The following RPL18 variants were observed in gnomAD, a reference collection of about 807,000 sequenced individuals.
RPL18 encodes large ribosomal subunit protein eL18.
In RPL18, 4 loss-of-function variants were observed where a neutral mutation model predicts 25.0. The ratio of observed to expected loss-of-function variants is 0.16; its 90% CI spans 0.08 to 0.37. The LOEUF (loss-of-function observed/expected upper bound fraction) is 0.37. Ranked by LOEUF, RPL18 falls within the 10% of genes least tolerant of loss-of-function variation. The pLI is 1.00. For synonymous variants in RPL18, 129 were observed against 101.6 expected, an observed-to-expected ratio of 1.27 and a Z score of -1.62; for missense variants, 179 against 267.9, an observed-to-expected ratio of 0.67 and a Z score of 2.32.
intron 1 of RPL18, chr19:48,618,536 T>C (rs1313447482): frequency 6.4e-6 from 1 of 156,184 alleles, no homozygotes; most frequent in Non-Finnish European, 1.4e-5. Context: ...AACTATTTAA[T>C]AGCTCCACTT....
At chr19:48,617,654 G>A in intron 2 of RPL18, 137 bp downstream of exon 2, 4 of 713,464 alleles carry the variant, frequency 5.6e-6, no homozygotes, top group South Asian at 1.8e-5. Flanking sequence ...ACAAATGCAG[G>A]AGACCCTGGA....
At chr19:48,616,348 G>T in intron 4 of RPL18, 146 bp from the exon 5 acceptor site, 1 of 966,590 alleles carries the variant, frequency 1.0e-6, no homozygotes, top group Non-Finnish European at 1.5e-6. Context: ...GCTGACAGCA[G>T]CAGTTCTCAA....
Position 48,615,849 on chromosome 19 carries a change from A to T in RPL18, c.491+28T>A, listed in dbSNP as rs1368726891. ...GGCCCTGCAGGCTGAGTCTGGGGAG[A>T]GGGCAGGGCTGGGGGCCTGATACTC... On this transcript the variant is annotated intron_variant, in intron 6 of 6. Transcript: ENST00000549920. The T allele has an allele frequency of 6.9e-6, 11 of 1,583,630 alleles. 1 individual carries two copies. Among genetic ancestry groups the T allele is most frequent in the Non-Finnish European group, 9.5e-6 (11 of 1,162,690 alleles).
At position 48,619,149 on chromosome 19, in the gene RPL18, C is replaced by G. The variant is rs1259866176; in HGVS notation, c.-6G>C. On this transcript the variant is annotated 5_prime_UTR_variant, in exon 1 of 7. Transcript: ENST00000549920. ...CCGCAAAGCGAGCTCACCATGATGG[C>G]GCCTCCTGCTCGGCCAGGTCCGGAA... The G allele has an allele frequency of 1.3e-6, 2 of 1,597,168 alleles. No homozygotes were observed. The highest frequency in any genetic ancestry group is 1.7e-6 in the Non-Finnish European group (2 of 1,172,638).
At position 48,615,786 on chromosome 19, in the gene RPL18, C is replaced by T. The variant is rs897989335; in HGVS notation, c.491+91G>A. 65 of 1,169,474 alleles carry T rather than the reference C, an allele frequency of 5.6e-5. No homozygotes were observed. In the African/African-American group the frequency reaches 8.5e-4, roughly 15 times the overall value. 72.4% of individuals were successfully genotyped at this position (1,169,474 alleles called of 1,614,324 possible). A position where few individuals can be genotyped will look rare whatever the true frequency, so the allele number is the denominator to read the frequency against. ...CCAGAAGGCCTGGGGCTGGCTGGTA[C>T]GAGGGATAGGAGAAGCAGCCCAAGT... On this transcript the variant is annotated intron_variant, in intron 6 of 6. Transcript: ENST00000549920.
In RPL18 at chr19:48,619,054, C is replaced by T. The variant is rs751196280; in HGVS notation, c.3+87G>A. On this transcript the variant is annotated intron_variant, in intron 1 of 6. Transcript: ENST00000549920. ...GCTCCCTCCGGGCAGCCGCAGACCC[C>T]CTGCCGCCCTCCAGCGTGCCCCTAG... is the stretch of plus-strand genomic sequence containing the variant. The T allele has an allele frequency of 6.9e-4, 979 of 1,425,828 alleles. 2 individuals are homozygous for T. Among genetic ancestry groups the T allele is most frequent in the Non-Finnish European group, 5.9e-4 (611 of 1,031,280 alleles). 88.3% of individuals were successfully genotyped at this position (1,425,828 alleles called of 1,614,324 possible). A position where few individuals can be genotyped will look rare whatever the true frequency, so the allele number is the denominator to read the frequency against.
At position 48,616,711 on chromosome 19, in the gene RPL18, C is replaced by A; in HGVS notation, c.297+15G>T. On this transcript the variant is annotated intron_variant, in intron 4 of 6. Transcript: ENST00000549920. ...GCAAGGGTCTGATGGGTCTGCCCAG[C>A]CCCCGCCAGCTCACCTTCAGTTTGG... 6.4e-7 allele frequency: 1 copy of A among 1,563,164 alleles called. No individual in the cohort carries two copies. Among genetic ancestry groups the A allele is most frequent in the Non-Finnish European group, 8.8e-7 (1 of 1,138,246 alleles).
intron 6 of RPL18, 80 bp from the exon 7 acceptor site, chr19:48,615,527 G>T: frequency 9.3e-7 from 1 of 1,070,138 alleles, no homozygotes; most frequent in Non-Finnish European, 1.4e-6. Flanking sequence ...CCACAAGCCT[G>T]TCACATTCAG....
intron 2 of RPL18, 168 bp downstream of exon 2, chr19:48,617,623 C>T (rs1974216971): frequency 2.9e-6 from 2 of 690,650 alleles, no homozygotes; most frequent in South Asian, 3.7e-5. Context: ...CCGAGCTGTA[C>T]ACAGCCTAGA....
chr19:48,618,008 C>A (rs1974235174), intron 1 of RPL18, 131 bp from the exon 2 acceptor site: 1 of 662,492 alleles, frequency 1.5e-6, no homozygotes. Flanking sequence ...AGGCCCACCA[C>A]CAGGAGACCT....
chr19:48,617,758 A>C (rs745649641), intron 2 of RPL18, 33 bp downstream of exon 2: 1 of 1,549,572 alleles, frequency 6.5e-7, no homozygotes, highest in Admixed American at 1.7e-5. Context: ...ACCTGGGGTG[A>C]CCCTTCCCAA....
chr19:48,617,872 C>T lies in RPL18; in HGVS notation c.9G>A (p.Val3=), dbSNP rs1400735521. Residue 3 remains valine, a synonymous_variant, in exon 2 of 7, where the codon GTG becomes GTA. Transcript: ENST00000549920. MG[V]DIRHNKDRKV... ...TTCGGTCCTTGTTATGGCGGATGTCCACTCCCTGTGGGGGTGAAGAGGCAA... is the reference window on the plus strand; with the variant it reads ...TTCGGTCCTTGTTATGGCGGATGTCTACTCCCTGTGGGGGTGAAGAGGCAA... 1 of 1,613,790 alleles carries T rather than the reference C, an allele frequency of 6.2e-7. No homozygotes were observed. Among genetic ancestry groups the T allele is most frequent in the South Asian group, 1.1e-5 (1 of 91,070 alleles).
intron 3 of RPL18, 155 bp downstream of exon 3, chr19:48,617,161 G>C (rs757000823): frequency 1.3e-6 from 1 of 767,882 alleles, no homozygotes; most frequent in Admixed American, 1.8e-5. Flanking sequence ...TGGACACTCA[G>C]TTCCAACCAA....
chr19:48,615,798 G>A, intron 6 of RPL18, 79 bp downstream of exon 6: 2 of 1,299,272 alleles, frequency 1.5e-6, no homozygotes, highest in Non-Finnish European at 2.2e-6. Flanking sequence ...AGGGATAGGA[G>A]AAGCAGCCCA....
At position 48,617,379 on chromosome 19, in the gene RPL18, C is replaced by G; in HGVS notation, c.135G>C (p.Gln45His). Residue 45 changes from glutamine to histidine, a missense_variant, in exon 3 of 7, where the codon CAG becomes CAC. Physicochemically the swap from Gln to His is conservative, Grantham distance 24. Coordinates refer to ENST00000549920, the MANE Select transcript of RPL18 (RefSeq NM_000979.4). Reference sequence around the variant, plus strand: ...TCATAAACAACCTCTTCAACACAACCTGGTTGAATGTGGAGTTGGTTCTTC... The same window carrying G: ...TCATAAACAACCTCTTCAACACAACGTGGTTGAATGTGGAGTTGGTTCTTC... The part of the protein sequence containing the change: ...LARRTNSTFN[Q>H]VVLKRLFMSR... 6.2e-7 allele frequency: 1 copy of G among 1,614,176 alleles called. No individual in the cohort carries two copies. Among genetic ancestry groups the G allele is most frequent in the African/African-American group, 1.3e-5 (1 of 75,046 alleles).
rs542387094 is a variant in RPL18, at chr19:48,616,525, G to A, written c.297+201C>T. On this transcript the variant is annotated intron_variant, in intron 4 of 6. Transcript: ENST00000549920. Reference sequence around the variant, plus strand: ...TAACAGTTTACAACTTGCCCCAGAAGAAGCTTGCCCAGGGGACCCCACCAT... The same window carrying A: ...TAACAGTTTACAACTTGCCCCAGAAAAAGCTTGCCCAGGGGACCCCACCAT... The A allele has an allele frequency of 3.0e-4, 210 of 705,056 alleles. 1 individual carries two copies. The highest frequency in any genetic ancestry group is 7.6e-4 in the Admixed American group (38 of 49,988). The allele number at this position is 705,056 out of a possible 1,614,324, so 43.7% of individuals were successfully genotyped here. A position where few individuals can be genotyped will look rare whatever the true frequency, so the allele number is the denominator to read the frequency against.
At chr19:48,618,668 C>A in intron 1 of RPL18, 1 of 199,904 alleles carries the variant, frequency 5.0e-6, no homozygotes, top group South Asian at 7.5e-5. Flanking sequence ...GACACTGGGG[C>A]AAAGGCTCAA....
intron 1 of RPL18, 170 bp from the exon 2 acceptor site, chr19:48,618,047 A>T (rs1212018563): frequency 1.7e-6 from 1 of 576,368 alleles, no homozygotes; most frequent in Non-Finnish European, 3.1e-6. Flanking sequence ...CTCTGTAAAA[A>T]GGGGCTGTTT....
intron 2 of RPL18, 32 bp downstream of exon 2, chr19:48,617,759 C>A (rs1456734099): frequency 6.4e-7 from 1 of 1,561,340 alleles, no homozygotes; most frequent in East Asian, 2.2e-5. Context: ...CCTGGGGTGA[C>A]CCTTCCCAAA....
Sources: allele counts gnomAD v4.1 joint callset, GRCh38; gene constraint gnomAD v4.1.1; transcripts MANE v1.5; gene names NCBI Gene and HGNC (gene_info 2026-07-23, HGNC 2026-07-21).